The following LRBA variants were observed in gnomAD, a reference collection of about 807,000 sequenced individuals.
LRBA encodes the protein lipopolysaccharide-responsive and beige-like anchor protein.
A neutral mutation model predicts 330.0 loss-of-function variants in LRBA; 176 were observed. The observed-to-expected ratio is 0.53, with a 90% CI of 0.47 to 0.60. The LOEUF (loss-of-function observed/expected upper bound fraction) is 0.60, where lower values mean the gene tolerates loss of function less well. Ranked by LOEUF, LRBA falls within the 20% of genes least tolerant of loss-of-function variation. LRBA has a pLI of 0.00. For missense variants in LRBA, 3,259 were observed against 3,444.8 expected (o/e 0.95, Z 1.35); for synonymous variants, 1,230 against 1,193.0 (o/e 1.03, Z -0.64).
chr4:150,297,354 G>A (rs532667873), intron 53 of LRBA, among the ~76,000 whole-genome samples: 2 of 152,262 alleles, frequency 1.3e-5, no homozygotes, highest in Admixed American at 1.3e-4. Context: ...TTGTTTTGCT[G>A]GAACTTGAGG....
At chr4:150,675,828 T>G (rs1782488017) in intron 37 of LRBA, among the ~76,000 whole-genome samples, 1 of 152,136 alleles carries the variant, frequency 6.6e-6, no homozygotes, top group Admixed American at 6.5e-5. Context: ...ATCACTATTA[T>G]TATAATTATT....
chr4:150,947,442 T>C (rs923127082), intron 2 of LRBA, among the ~76,000 whole-genome samples: 1 of 152,088 alleles, frequency 6.6e-6, no homozygotes, highest in Admixed American at 6.5e-5. Flanking sequence ...CACACGATCA[T>C]ATCAACTGAT....
chr4:150,689,164 G>A (rs955126065), intron 36 of LRBA, among the ~76,000 whole-genome samples: 2 of 152,086 alleles, frequency 1.3e-5, no homozygotes, highest in African/African-American at 4.8e-5. Flanking sequence ...TTTCAGGGAC[G>A]TGGATGAAGC....
intron 2 of LRBA, among the ~76,000 whole-genome samples, chr4:150,982,339 G>C (rs1450394608): frequency 6.6e-6 from 1 of 152,120 alleles, no homozygotes; most frequent in Non-Finnish European, 1.5e-5. Context: ...AATATGTAAT[G>C]TTTTAAATGG....
At chr4:150,953,510 C>T (rs924932585) in intron 2 of LRBA, among the ~76,000 whole-genome samples, 13 of 151,934 alleles carry the variant, frequency 8.6e-5, no homozygotes, top group Admixed American at 2.6e-4. Flanking sequence ...ATTGCAGGTG[C>T]GCACCGCCAC....
intron 37 of LRBA, among the ~76,000 whole-genome samples, chr4:150,626,196 C>A (rs556461193): frequency 1.3e-5 from 2 of 152,188 alleles, no homozygotes; most frequent in African/African-American, 4.8e-5. Context: ...ATGAACTGAC[C>A]TGGCTTAACA....
rs1746633375 is a variant in LRBA, at chr4:150,828,572, T to G, written c.4779A>C (p.Glu1593Asp). ...TTCGAGCAGATGATGTGCTTTCAGA[T>G]TCTTCCACTGATGCCGTAGTTAAAG... ...FSTLTTASVE[E>D]SESTSSARRR... Residue 1593 changes from glutamate (E) to aspartate (D), a missense_variant, in exon 30 of 57, where the codon GAA becomes GAC. Transcript: ENST00000651943. 1 of 1,614,092 alleles carries G rather than the reference T, an allele frequency of 6.2e-7. No individual in the cohort carries two copies. The highest frequency in any genetic ancestry group is 8.5e-7 in the Non-Finnish European group (1 of 1,179,986).
At chr4:150,598,856 C>G in intron 38 of LRBA, 151 bp downstream of exon 38, 1 of 785,298 alleles carries the variant, frequency 1.3e-6, no homozygotes, top group Non-Finnish European at 2.0e-6. Context: ...TCTATAGTAA[C>G]TATAAAAAAA....
At chr4:150,938,796 T>A (rs896292545) in intron 2 of LRBA, among the ~76,000 whole-genome samples, 3 of 152,154 alleles carry the variant, frequency 2.0e-5, no homozygotes, top group Non-Finnish European at 4.4e-5. Context: ...TACCCAGACT[T>A]TCACCTGAAG....
chr4:150,464,092 C>G (rs1247077158), intron 44 of LRBA, among the ~76,000 whole-genome samples: 1 of 151,582 alleles, frequency 6.6e-6, no homozygotes, highest in Non-Finnish European at 1.5e-5. Context: ...CCGAGTCCAG[C>G]CCACAATCCA....
chr4:150,663,353 A>G (rs573214495), intron 37 of LRBA, among the ~76,000 whole-genome samples: 4 of 152,286 alleles, frequency 2.6e-5, no homozygotes, highest in Admixed American at 2.0e-4. Context: ...GGCAAAAATT[A>G]TATCAAGTAA....
rs935251880 is a variant in LRBA, at chr4:150,286,581, C to T, written c.8018-547G>A. ...ATATAAATTTCATGGATATATTTCTCTGTGGTTCATTCAAATAACCGAAAA... is the reference window on the plus strand; with the variant it reads ...ATATAAATTTCATGGATATATTTCTTTGTGGTTCATTCAAATAACCGAAAA... On this transcript the variant is annotated intron_variant, in intron 53 of 56. Coordinates refer to ENST00000651943, the MANE Select transcript of LRBA (RefSeq NM_001364905.1). 5.9e-5 allele frequency among the ~76,000 whole-genome samples: 9 copies of T among 151,292 alleles called. No individual in the cohort carries two copies. In the South Asian group the frequency reaches 1.9e-3, roughly 32 times the overall value.
rs755188769 is a variant in LRBA, at chr4:150,868,234, C to T, written c.2521G>A (p.Ala841Thr). ...QCPESMEVRR[A>T]FLSDMIKLFN... ...AGTTTAATCATGTCAGAAAGAAAGGCTCTGCGAACCTCCATGCTCTCTGGG... is the reference window on the plus strand; with the variant it reads ...AGTTTAATCATGTCAGAAAGAAAGGTTCTGCGAACCTCCATGCTCTCTGGG... The change falls in exon 21 of 57, where the codon GCC becomes ACC. Residue 841 changes from alanine (A) to threonine (T), a missense_variant. Physicochemically the swap from Ala to Thr is moderately conservative, Grantham distance 58 (BLOSUM62 0). Transcript: ENST00000651943. 3 of 1,612,396 alleles carry T rather than the reference C, an allele frequency of 1.9e-6. No individual in the cohort carries two copies. Among genetic ancestry groups the T allele is most frequent in the East Asian group, 2.2e-5 (1 of 44,818 alleles).
rs139843550 is a variant in LRBA at position 150,975,302 on chromosome 4, G to A, written c.216+39125C>T. Among the ~76,000 whole-genome samples, 195 of 152,258 alleles carry A rather than the reference G, an allele frequency of 1.3e-3. 3 individuals carry two copies. The highest frequency in any genetic ancestry group is 4.3e-3 in the African/African-American group (178 of 41,564). On this transcript the variant is annotated intron_variant, in intron 2 of 56. Coordinates refer to ENST00000651943, the MANE Select transcript of LRBA (RefSeq NM_001364905.1). ...CCAACATTTTGAGAAGCCAAGGCGG[G>A]TGGGATCACTTGAGGCCAAGAGTTA...
chr4:150,850,673 A>G (rs2126914401), intron 24 of LRBA, 51 bp downstream of exon 24: 4 of 1,113,414 alleles, frequency 3.6e-6, no homozygotes, highest in Non-Finnish European at 5.0e-6. Context: ...ATTTCTTTGA[A>G]AATAAAGACT....
At chr4:150,576,462 G>A (rs775262161) in intron 40 of LRBA, among the ~76,000 whole-genome samples, 6 of 151,828 alleles carry the variant, frequency 4.0e-5, no homozygotes, top group South Asian at 2.1e-4. Context: ...ACATTCTAGC[G>A]CAATAATATA....
intron 40 of LRBA, among the ~76,000 whole-genome samples, chr4:150,522,673 A>T (rs974806986): frequency 1.3e-5 from 2 of 152,190 alleles, no homozygotes; most frequent in African/African-American, 2.4e-5. Context: ...CACCCCAGCT[A>T]TAGCTGAGGA....
chr4:150,554,877 C>T (rs1411579495), intron 40 of LRBA, among the ~76,000 whole-genome samples: 1 of 152,050 alleles, frequency 6.6e-6, no homozygotes, highest in Non-Finnish European at 1.5e-5. Flanking sequence ...AACAAAACAG[C>T]CTTTTGTTAC....
chr4:150,352,266 T>A (rs563634235), intron 47 of LRBA, among the ~76,000 whole-genome samples: 2 of 152,330 alleles, frequency 1.3e-5, no homozygotes, highest in East Asian at 3.9e-4. Context: ...CAAAAGACGT[T>A]CCTATTCCTT....
Sources: allele counts gnomAD v4.1 joint callset (sites outside exome capture counted in the v4.1 genomes callset), GRCh38; gene constraint gnomAD v4.1.1; transcripts MANE v1.5; gene names NCBI Gene and HGNC (gene_info 2026-07-23, HGNC 2026-07-21).